The following EXOC6 variants were observed in gnomAD, a reference collection of about 807,000 sequenced individuals.
The protein encoded by EXOC6 is exocyst complex component 6, also known as SEC15-like 1.
A neutral mutation model predicts 112.5 loss-of-function variants in EXOC6; 60 were observed. The observed-to-expected ratio is 0.53, with a 90% confidence interval of 0.43 to 0.66. EXOC6 has a LOEUF of 0.66. Among genes scored for constraint, EXOC6 ranks in the 30% least tolerant of loss-of-function variants. EXOC6 has a pLI of 0.00. For missense variants in EXOC6, 855 were observed against 957.1 expected (o/e 0.89, Z 1.41); for synonymous variants, 295 against 308.0 (o/e 0.96, Z 0.44).
intron 1 of EXOC6, among the ~76,000 whole-genome samples, chr10:92,867,521 G>A (rs116139032): frequency 0.013 from 2,039 of 152,156 alleles, 46 homozygotes; most frequent in African/African-American, 0.047. Flanking sequence ...TAGCCCATGA[G>A]GTGCAATTAT....
At chr10:92,951,043 C>T (rs529513940) in intron 14 of EXOC6, among the ~76,000 whole-genome samples, 2 of 152,166 alleles carry the variant, frequency 1.3e-5, no homozygotes, top group South Asian at 4.2e-4. Context: ...AAGTTTCCAC[C>T]TTGGATGGTG....
intron 4 of EXOC6, among the ~76,000 whole-genome samples, chr10:92,899,095 A>G (rs1056927995): frequency 2.0e-5 from 3 of 152,262 alleles, no homozygotes; most frequent in Admixed American, 6.5e-5. Context: ...TCCTGCTGTA[A>G]GCTTTTGACG....
At chr10:92,955,527 G>A in intron 16 of EXOC6, 53 bp from the exon 17 acceptor site, 1 of 1,447,162 alleles carries the variant, frequency 6.9e-7, no homozygotes, top group Non-Finnish European at 9.5e-7. Flanking sequence ...AAAATTAGGT[G>A]ATTTTACATA....
intron 1 of EXOC6, among the ~76,000 whole-genome samples, chr10:92,890,743 G>A (rs947271879): frequency 1.3e-5 from 2 of 152,000 alleles, no homozygotes; most frequent in African/African-American, 4.8e-5. Context: ...TATTAAGAAA[G>A]CCATGAGGAG....
chr10:92,982,000 C>T (rs1318700119), intron 18 of EXOC6, among the ~76,000 whole-genome samples: 1 of 152,112 alleles, frequency 6.6e-6, no homozygotes, highest in Admixed American at 6.5e-5. Flanking sequence ...CCTATAATCC[C>T]AGCTACTCAG....
At chr10:92,916,067 G>C in intron 7 of EXOC6, 154 bp downstream of exon 7, 1 of 516,190 alleles carries the variant, frequency 1.9e-6, no homozygotes, top group Non-Finnish European at 3.3e-6. Flanking sequence ...GTCAAACTTT[G>C]ACAAAATGGA....
chr10:92,910,168 C>T (rs1295340528), intron 6 of EXOC6, among the ~76,000 whole-genome samples: 1 of 152,170 alleles, frequency 6.6e-6, no homozygotes, highest in East Asian at 1.9e-4. Context: ...AAAACATGGG[C>T]TCACGATAGT....
At chr10:93,004,449 A>C (rs1407231768) in intron 19 of EXOC6, among the ~76,000 whole-genome samples, 3 of 152,078 alleles carry the variant, frequency 2.0e-5, no homozygotes, top group Non-Finnish European at 4.4e-5. Flanking sequence ...CTGTATTTCA[A>C]CTCAAGACCA....
chr10:92,929,404 A>G (rs1374154480), intron 9 of EXOC6, among the ~76,000 whole-genome samples: 1 of 152,210 alleles, frequency 6.6e-6, no homozygotes, highest in Non-Finnish European at 1.5e-5. Context: ...ACTATCTCCA[A>G]GTGCCTGGCA....
chr10:92,836,992 G>C (rs1259071594), intron 1 of EXOC6, among the ~76,000 whole-genome samples: 1 of 151,964 alleles, frequency 6.6e-6, no homozygotes, highest in Non-Finnish European at 1.5e-5. Context: ...TACTTACCTA[G>C]CTGCTAGGTG....
intron 20 of EXOC6, among the ~76,000 whole-genome samples, chr10:93,054,117 A>G (rs116505681): frequency 1.3e-3 from 195 of 152,346 alleles, no homozygotes; most frequent in African/African-American, 4.5e-3. Context: ...TTAAATTACT[A>G]GGATTCTGTG....
chr10:93,004,666 C>G (rs1284465536), intron 19 of EXOC6, among the ~76,000 whole-genome samples: 1 of 152,032 alleles, frequency 6.6e-6, no homozygotes, highest in South Asian at 2.1e-4. Context: ...TTAACCTATA[C>G]TTGGTCAAAG....
chr10:93,044,841 C>G (rs1564935525), intron 20 of EXOC6, among the ~76,000 whole-genome samples: 1 of 151,954 alleles, frequency 6.6e-6, no homozygotes, highest in Non-Finnish European at 1.5e-5. Flanking sequence ...CCTCTGGGGA[C>G]TTAAATATTT....
At chr10:92,860,341 G>T (rs12269492) in intron 1 of EXOC6, among the ~76,000 whole-genome samples, 15 of 134,778 alleles carry the variant, frequency 1.1e-4, no homozygotes, top group African/African-American at 4.2e-4. Flanking sequence ...GCGTGATCTC[G>T]CTCACTGCTG....
chr10:92,854,774 G>C (rs1224921185), intron 1 of EXOC6, among the ~76,000 whole-genome samples: 3 of 152,042 alleles, frequency 2.0e-5, no homozygotes, highest in African/African-American at 7.2e-5. Context: ...TTTTGTTGAG[G>C]ATTTTTGCAT....
intron 1 of EXOC6, among the ~76,000 whole-genome samples, chr10:92,887,832 G>T (rs959641567): frequency 6.6e-6 from 1 of 152,134 alleles, no homozygotes; most frequent in African/African-American, 2.4e-5. Context: ...ATGAATTTTT[G>T]ATTCTGGCAC....
chr10:92,927,067 TA>T (rs1489939406), intron 8 of EXOC6, among the ~76,000 whole-genome samples: 1 of 152,186 alleles, frequency 6.6e-6, no homozygotes, highest in East Asian at 1.9e-4. Flanking sequence ...GATACCTAGG[TA>T]AAAATATTTT....
intron 18 of EXOC6, among the ~76,000 whole-genome samples, chr10:92,984,418 T>C (rs1046650639): frequency 2.0e-5 from 3 of 152,176 alleles, no homozygotes; most frequent in Non-Finnish European, 2.9e-5. Context: ...CCCTAACCAG[T>C]ACCGGTTGCT....
At chr10:92,931,512 ATACTG>A (rs1852038856) in intron 9 of EXOC6, among the ~76,000 whole-genome samples, 1 of 151,802 alleles carries the variant, frequency 6.6e-6, no homozygotes, top group East Asian at 2.0e-4. Context: ...GTGAAAAACT[ATACTG>A]AACATCTTCT....
Sources: gnomAD v4.1 joint callset for allele counts (sites outside exome capture counted in the v4.1 genomes callset) on GRCh38, gnomAD v4.1.1 for gene constraint, MANE v1.5 for transcripts, NCBI Gene and HGNC (gene_info 2026-07-23, HGNC 2026-07-21) for gene names.